Variants in DNMT3A observed in about 807,000 individuals in gnomAD.
DNMT3A encodes DNA methyltransferase 3 alpha.
Under a neutral mutation model 117.6 loss-of-function variants are expected in DNMT3A, and 267 were observed. That is an observed-to-expected ratio of 2.27 (90% CI 2.05 to 2.51). DNMT3A has a LOEUF of 2.51. Among genes scored for constraint, DNMT3A ranks in the 30% most tolerant of loss-of-function variants. The pLI is 0.00. For missense variants in DNMT3A, 1,029 were observed against 1,260.2 expected (o/e 0.82, Z 2.78); for synonymous variants, 432 against 474.8 (o/e 0.91, Z 1.17).
At chr2:25,277,960 A>G (rs376418045) in intron 4 of DNMT3A, among the ~76,000 whole-genome samples, 1 of 147,718 alleles carries the variant, frequency 6.8e-6, no homozygotes, top group Non-Finnish European at 1.5e-5. Flanking sequence ...TCTTTCTGGA[A>G]TTTTCTCCCT....
At position 25,247,060 on chromosome 2, in the gene DNMT3A, C is replaced by T; in HGVS notation, c.1113G>A (p.Glu371=). 1.2e-6 allele frequency: 2 copies of T among 1,614,016 alleles called. No homozygotes were observed. The highest frequency in any genetic ancestry group is 1.7e-6 in the Non-Finnish European group (2 of 1,179,948). Residue 371 remains glutamate (E), a synonymous_variant, in exon 9 of 23, where the codon GAG becomes GAA. Coordinates refer to ENST00000321117, the MANE Select transcript of DNMT3A (RefSeq NM_022552.5). This position sits in a 1 kb window ranked among gnomAD's most constrained non-coding sequence, Gnocchi z 5.6. ...CAGCAGGGACACTCACCTGCAGGAC[C>T]TCGTAGATGGCTTTGCGGTACATGG... ...KQPMYRKAIY[E]VLQVASSRAG...
At chr2:25,300,963 T>C (rs1350002421) in intron 2 of DNMT3A, among the ~76,000 whole-genome samples, 3 of 151,044 alleles carry the variant, frequency 2.0e-5, no homozygotes, top group Non-Finnish European at 4.4e-5. Context: ...ATCTACTTAA[T>C]GAATCACCTT....
At chr2:25,285,118 G>A (rs1037340935) in intron 3 of DNMT3A, among the ~76,000 whole-genome samples, 6 of 152,192 alleles carry the variant, frequency 3.9e-5, no homozygotes, top group Non-Finnish European at 7.3e-5. Context: ...GAAGTGGTCA[G>A]GCCGGGTGAA....
Position 25,298,103 on chromosome 2 carries a change from A to G in DNMT3A, c.177+2036T>C, listed in dbSNP as rs1176209622. ...TTCTCACAGGGGCAAGGAGAAATGC[A>G]TCCTTTTCTCCTCTATTTTTAGAAG... On this transcript the variant is annotated intron_variant, in intron 3 of 22. Coordinates refer to ENST00000321117, the MANE Select transcript of DNMT3A (RefSeq NM_022552.5). The surrounding 1 kb of genome is among the most constrained non-coding windows in gnomAD (Gnocchi z 4.3). Among the ~76,000 whole-genome samples, 1 of 152,226 alleles carries G rather than the reference A, an allele frequency of 6.6e-6. No individual in the cohort carries two copies. The highest frequency in any genetic ancestry group is 1.5e-5 in the Non-Finnish European group (1 of 68,040).
chr2:25,312,130 A>G (rs7596024), intron 2 of DNMT3A, among the ~76,000 whole-genome samples: 86,933 of 152,072 alleles, frequency 0.57, 25,292 homozygotes, highest in African/African-American at 0.62. Flanking sequence ...GTGGGGCGAC[A>G]CTCGGGGTCA....
chr2:25,342,135 C>A (rs1573525110), upstream of DNMT3A, among the ~76,000 whole-genome samples: 3 of 143,862 alleles, frequency 2.1e-5, no homozygotes, highest in East Asian at 6.3e-4. This position sits in a 1 kb window ranked among gnomAD's most constrained non-coding sequence, Gnocchi z 5.9. Flanking sequence ...CCGGCCCCGG[C>A]GCTGCGGAGC....
intron 1 of DNMT3A, among the ~76,000 whole-genome samples, chr2:25,332,995 C>T (rs564075449): frequency 2.0e-5 from 3 of 152,312 alleles, no homozygotes; most frequent in Admixed American, 6.5e-5. Context: ...GAAAGAGGGC[C>T]CAGGCCTTGA....
At chr2:25,250,882 C>T (rs533519011) in intron 6 of DNMT3A, among the ~76,000 whole-genome samples, 8 of 152,216 alleles carry the variant, frequency 5.3e-5, no homozygotes, top group Non-Finnish European at 8.8e-5. Context: ...GTGGGCTGGG[C>T]TCCTCCTCTG....
At position 25,237,142 on chromosome 2, in the gene DNMT3A, C is replaced by T. The variant is rs1001100240; in HGVS notation, c.2409-137G>A. On this transcript the variant is annotated intron_variant, in intron 20 of 22. Coordinates refer to ENST00000321117, the MANE Select transcript of DNMT3A (RefSeq NM_022552.5). This position sits in a 1 kb window ranked among gnomAD's most constrained non-coding sequence, Gnocchi z 5.4. ...GCCCCTTCCCCAAATCACGCACACA[C>T]GTCATAACTCTCTTCAAACTCCCCG... is the stretch of plus-strand genomic sequence containing the variant. 25 of 735,134 alleles carry T rather than the reference C, an allele frequency of 3.4e-5. No homozygotes were observed. The highest frequency in any genetic ancestry group is 4.2e-5 in the Non-Finnish European group (19 of 450,310). The allele number at this position is 735,134 out of a possible 1,614,324, so 45.5% of individuals were successfully genotyped here.
intron 6 of DNMT3A, among the ~76,000 whole-genome samples, chr2:25,268,694 C>A (rs2030590773): frequency 6.6e-6 from 1 of 152,200 alleles, no homozygotes; most frequent in African/African-American, 2.4e-5. Flanking sequence ...GGCAGGAATA[C>A]AGGATGGAGG....
rs188043543 is a variant in DNMT3A, at chr2:25,254,427, C to G, written c.640-6175G>C. ...AGAAGACTTGGGTACAGACTCCCCC[C>G]CAACCCTGAGACCCAGAATCCATAC... On this transcript the variant is annotated intron_variant, in intron 6 of 22. Transcript: ENST00000321117. This position sits in a 1 kb window ranked among gnomAD's most constrained non-coding sequence, Gnocchi z 4.7. Among the ~76,000 whole-genome samples, 125 of 152,248 alleles carry G rather than the reference C, an allele frequency of 8.2e-4. 2 individuals carry two copies. The East Asian group carries it at 0.02, about 24-fold the overall frequency.
chr2:25,271,510 G>T (rs548649688), intron 6 of DNMT3A, among the ~76,000 whole-genome samples: 70 of 152,366 alleles, frequency 4.6e-4, no homozygotes, highest in Admixed American at 2.6e-4. Flanking sequence ...AGGAGACTGT[G>T]TGACAGTCAG....
intron 6 of DNMT3A, among the ~76,000 whole-genome samples, chr2:25,262,281 CCCT>C (rs1676687150): frequency 6.6e-6 from 1 of 152,074 alleles, no homozygotes; most frequent in Non-Finnish European, 1.5e-5. Context: ...AAAATCCACC[CCCT>C]CCTAAGAGAA....
chr2:25,230,800 G>A lies in DNMT3A; in HGVS notation c.*3479C>T, dbSNP rs972713065. On this transcript the variant is annotated 3_prime_UTR_variant, in exon 23 of 23. Transcript: ENST00000321117. The stretch of plus-strand genomic sequence containing the variant: ...ACTCTCGTCCCTGCAAGGGGGGGGG[G>A]GGGGGGGCCATGACCCCTGGGGCAT... The A allele has an allele frequency of 2.1e-5, 3 of 144,622 alleles. No homozygotes were observed. Among genetic ancestry groups the A allele is most frequent in the African/African-American group, 7.7e-5 (3 of 38,918 alleles). The allele number at this position is 144,622 out of a possible 1,614,324, so 9.0% of individuals were successfully genotyped here.
chr2:25,272,065 C>A (rs2030952510), intron 6 of DNMT3A, among the ~76,000 whole-genome samples: 1 of 152,194 alleles, frequency 6.6e-6, no homozygotes, highest in Non-Finnish European at 1.5e-5. Flanking sequence ...CGGCTCACTG[C>A]AACCTCTGCC....
In DNMT3A at chr2:25,281,801, A is replaced by C; in HGVS notation, c.448+640T>G. 9.4e-7 allele frequency: 1 copy of C among 1,066,124 alleles called. No homozygotes were observed. 66.0% of individuals were successfully genotyped at this position (1,066,124 alleles called of 1,614,324 possible). ...CCAGGCTTCCAGGGTTAGGCCAAAA[A>C]GTCCCCAGATGAAGAGGCCTGGGCT... On this transcript the variant is annotated intron_variant, in intron 4 of 22. Transcript: ENST00000321117. This position sits in a 1 kb window ranked among gnomAD's most constrained non-coding sequence, Gnocchi z 4.8.
chr2:25,233,318 C>T lies in DNMT3A; in HGVS notation c.*961G>A, dbSNP rs928718784. The T allele has an allele frequency of 1.3e-5, 3 of 233,696 alleles. No individual in the cohort carries two copies. The highest frequency in any genetic ancestry group is 6.6e-5 in the African/African-American group (3 of 45,322). 14.5% of individuals were successfully genotyped at this position (233,696 alleles called of 1,614,324 possible). A position where few individuals can be genotyped will look rare whatever the true frequency, so the allele number is the denominator to read the frequency against. On this transcript the variant is annotated 3_prime_UTR_variant, in exon 23 of 23. Coordinates refer to ENST00000321117, the MANE Select transcript of DNMT3A (RefSeq NM_022552.5). Reference sequence around the variant, plus strand: ...AGAGCCCACCGTGAGAACGCGCCATCTGCAAGCTGTCTCCCTTTCTCCATC... The same window carrying T: ...AGAGCCCACCGTGAGAACGCGCCATTTGCAAGCTGTCTCCCTTTCTCCATC...
At chr2:25,319,901 C>G (rs1033441319) in intron 1 of DNMT3A, among the ~76,000 whole-genome samples, 1 of 152,048 alleles carries the variant, frequency 6.6e-6, no homozygotes, top group Non-Finnish European at 1.5e-5. Context: ...TCACGAGTAG[C>G]TGGGATTACA....
intron 1 of DNMT3A, among the ~76,000 whole-genome samples, chr2:25,324,941 C>A (rs2149441081): frequency 6.6e-6 from 1 of 152,270 alleles, no homozygotes; most frequent in South Asian, 2.1e-4. Flanking sequence ...GCTCTAGAGT[C>A]ACAATAAGAC....
Sources: gnomAD v4.1 joint callset for allele counts (sites outside exome capture counted in the v4.1 genomes callset) on GRCh38, gnomAD v4.1.1 for gene constraint, Gnocchi (gnomAD v3.1) non-coding constraint, MANE v1.5 for transcripts, NCBI Gene and HGNC (gene_info 2026-07-23, HGNC 2026-07-21) for gene names.